The following RAD54L2 variants were observed in gnomAD, a reference collection of about 807,000 sequenced individuals.
RAD54L2 encodes helicase ARIP4.
RAD54L2 carries 27 observed loss-of-function variants against 138.4 expected under a neutral mutation model. The ratio of observed to expected loss-of-function variants is 0.20; its 90% CI spans 0.14 to 0.27. RAD54L2 has a LOEUF of 0.27. RAD54L2 is among the 10% of genes least tolerant of loss of function. The pLI, the probability that RAD54L2 is intolerant of heterozygous loss-of-function variation, is 1.00. For missense variants in RAD54L2, 1,396 were observed against 1,890.2 expected (o/e 0.74, Z 4.85); for synonymous variants, 644 against 723.2 (o/e 0.89, Z 1.76).
At chr3:51,573,597 G>A (rs1026925903) in intron 2 of RAD54L2, among the ~76,000 whole-genome samples, 5 of 152,020 alleles carry the variant, frequency 3.3e-5, no homozygotes, top group Admixed American at 1.3e-4. Flanking sequence ...CACCACGCCC[G>A]AGTAGGTGGG....
chr3:51,570,228 C>T (rs1169312066), intron 2 of RAD54L2, among the ~76,000 whole-genome samples: 3 of 146,552 alleles, frequency 2.0e-5, no homozygotes, highest in Admixed American at 7.1e-5. Context: ...ACTGCAGCGT[C>T]TGCCTCCCGG....
At chr3:51,554,009 G>A (rs2108694221) in intron 2 of RAD54L2, among the ~76,000 whole-genome samples, 1 of 152,298 alleles carries the variant, frequency 6.6e-6, no homozygotes, top group South Asian at 2.1e-4. Flanking sequence ...GTCTTGCCTA[G>A]ACATTGATGG....
intron 2 of RAD54L2, among the ~76,000 whole-genome samples, chr3:51,576,376 A>T (rs1439552834): frequency 1.3e-5 from 2 of 152,184 alleles, no homozygotes; most frequent in Non-Finnish European, 2.9e-5. Flanking sequence ...TGAGTTAGGT[A>T]GGATTCCCTT....
intron 3 of RAD54L2, among the ~76,000 whole-genome samples, chr3:51,597,553 C>T (rs970965330): frequency 6.6e-6 from 1 of 152,058 alleles, no homozygotes; most frequent in South Asian, 2.1e-4. Flanking sequence ...TTTGGCTGGG[C>T]GCGGTGGCTC....
Position 51,637,542 on chromosome 3 carries a change from A to G in RAD54L2, c.1682+39A>G. ...AGGGTCCTGCTTCCTGAATTTTCAGAGGGCCCTGTTGCCAAGGGCATGCCA... is the reference window on the plus strand; with the variant it reads ...AGGGTCCTGCTTCCTGAATTTTCAGGGGGCCCTGTTGCCAAGGGCATGCCA... On this transcript the variant is annotated intron_variant, in intron 11 of 22. Transcript: ENST00000684192. This position sits in a 1 kb window ranked among gnomAD's most constrained non-coding sequence, Gnocchi z 5.9. 3 of 1,567,220 alleles carry G rather than the reference A, an allele frequency of 1.9e-6. No homozygotes were observed. The highest frequency in any genetic ancestry group is 2.6e-6 in the Non-Finnish European group (3 of 1,152,792).
chr3:51,648,318 T>G (rs1701338008), intron 19 of RAD54L2, among the ~76,000 whole-genome samples: 1 of 152,214 alleles, frequency 6.6e-6, no homozygotes, highest in South Asian at 2.1e-4. Context: ...TGGAGCCCAC[T>G]GTAGCTCAAC....
At chr3:51,655,799 C>G (rs185573261) in intron 19 of RAD54L2, among the ~76,000 whole-genome samples, 172 bp from the exon 20 acceptor site, 1 of 152,332 alleles carries the variant, frequency 6.6e-6, no homozygotes, top group African/African-American at 2.4e-5. Context: ...GCAACTGAGT[C>G]CTGCCTTCTA....
At chr3:51,658,819 G>T (rs1701674624) in intron 21 of RAD54L2, among the ~76,000 whole-genome samples, 1 of 152,016 alleles carries the variant, frequency 6.6e-6, no homozygotes, top group Admixed American at 6.5e-5. Flanking sequence ...TATAGCTGGG[G>T]TCACCAAACT....
Position 51,662,357 on chromosome 3 carries a change from A to G in RAD54L2, c.3410-69A>G. The G allele has an allele frequency of 7.3e-7, 1 of 1,362,712 alleles. No individual in the cohort carries two copies. Among genetic ancestry groups the G allele is most frequent in the South Asian group, 1.7e-5 (1 of 59,038 alleles). The allele number at this position is 1,362,712 out of a possible 1,614,324, so 84.4% of individuals were successfully genotyped here. On this transcript the variant is annotated intron_variant, in intron 22 of 22. Transcript: ENST00000684192. The surrounding 1 kb of genome is among the most constrained non-coding windows in gnomAD (Gnocchi z 4.6). ...TACAGGACAGGATTTTTTTTAATGG[A>G]GTTTTCTCCTCTACCCTTCTTCTCT... is the stretch of plus-strand genomic sequence containing the variant.
At chr3:51,576,765 C>A (rs1167219737) in intron 2 of RAD54L2, among the ~76,000 whole-genome samples, 2 of 152,168 alleles carry the variant, frequency 1.3e-5, no homozygotes, top group East Asian at 3.9e-4. Flanking sequence ...TGTTAGCAGT[C>A]TATCAATTTT....
chr3:51,540,355 C>T (rs1242603287), intron 1 of RAD54L2, among the ~76,000 whole-genome samples: 2 of 152,216 alleles, frequency 1.3e-5, no homozygotes, highest in Admixed American at 1.3e-4. Context: ...TCCTTGTTTA[C>T]TCTCACAGGA....
intron 3 of RAD54L2, among the ~76,000 whole-genome samples, chr3:51,617,859 C>T (rs547602134): frequency 5.3e-5 from 8 of 152,166 alleles, no homozygotes; most frequent in Non-Finnish European, 1.0e-4. Context: ...CTTCAACTCT[C>T]GTGACAGAGC....
chr3:51,635,279 T>A (rs1700957616), intron 9 of RAD54L2, among the ~76,000 whole-genome samples: 1 of 152,210 alleles, frequency 6.6e-6, no homozygotes, highest in African/African-American at 2.4e-5. Context: ...TGAGTTGTAG[T>A]CATGCCTGAA....
At chr3:51,618,857 T>C (rs1700505363) in intron 3 of RAD54L2, among the ~76,000 whole-genome samples, 1 of 152,200 alleles carries the variant, frequency 6.6e-6, no homozygotes, top group Admixed American at 6.5e-5. Context: ...AGAGTTGACC[T>C]TGATACTCCT....
intron 3 of RAD54L2, among the ~76,000 whole-genome samples, chr3:51,596,377 G>C (rs1317597009): frequency 2.6e-5 from 4 of 151,790 alleles, no homozygotes; most frequent in Non-Finnish European, 5.9e-5. Context: ...TTTCTCCAAA[G>C]TAGTTTCTTG....
chr3:51,637,506 G>A lies in RAD54L2; in HGVS notation c.1682+3G>A, dbSNP rs1577447846. ...CTTCTGGAGGGCTTTGTGCAGAGGT[G>A]AGCCATCCTCAGGGTCCTGCTTCCT... On this transcript the variant is annotated splice_donor_region_variant and intron_variant, in intron 11 of 22. Coordinates refer to ENST00000684192, the MANE Select transcript of RAD54L2 (RefSeq NM_015106.4). This position sits in a 1 kb window ranked among gnomAD's most constrained non-coding sequence, Gnocchi z 5.9. The A allele has an allele frequency of 6.2e-7, 1 of 1,605,634 alleles. No homozygotes were observed.
chr3:51,660,121 G>A lies in RAD54L2; in HGVS notation c.3409+3G>A, dbSNP rs775841751. ...AGATGGTCGGATGGCTGCCTCAGGT[G>A]TGATGGCTTTTACTTTCCATTTTAC... On this transcript the variant is annotated splice_donor_region_variant and intron_variant, in intron 22 of 22. Coordinates refer to ENST00000684192, the MANE Select transcript of RAD54L2 (RefSeq NM_015106.4). 3.1e-6 allele frequency: 5 copies of A among 1,594,072 alleles called. No homozygotes were observed. Among genetic ancestry groups the A allele is most frequent in the East Asian group, 2.3e-5 (1 of 44,242 alleles).
chr3:51,660,989 T>C (rs1701755148), intron 22 of RAD54L2, among the ~76,000 whole-genome samples: 1 of 152,080 alleles, frequency 6.6e-6, no homozygotes, highest in African/African-American at 2.4e-5. Flanking sequence ...AGTCTCGTTC[T>C]GTCACCCAGG....
intron 2 of RAD54L2, among the ~76,000 whole-genome samples, chr3:51,545,791 G>C (rs1553672155): frequency 6.6e-6 from 1 of 151,854 alleles, no homozygotes; most frequent in African/African-American, 2.4e-5. Context: ...ATGTTGCGCA[G>C]GCTGGTCTCA....
Sources: gnomAD v4.1 joint callset for allele counts (sites outside exome capture counted in the v4.1 genomes callset) on GRCh38, gnomAD v4.1.1 for gene constraint, Gnocchi (gnomAD v3.1) non-coding constraint, MANE v1.5 for transcripts, NCBI Gene and HGNC (gene_info 2026-07-23, HGNC 2026-07-21) for gene names.